RAB11FIP1: variants seen among roughly 807,000 people sequenced by gnomAD.
RAB11FIP1 encodes the protein rab11 family-interacting protein 1.
In RAB11FIP1, 49 loss-of-function variants were observed where a neutral mutation model predicts 83.1. The ratio of observed to expected loss-of-function variants is 0.59; its 90% CI spans 0.47 to 0.75. The LOEUF is 0.75. RAB11FIP1 is among the 30% of genes least tolerant of loss of function. The pLI, the probability that RAB11FIP1 is intolerant of heterozygous loss-of-function variation, is 0.00. For missense variants in RAB11FIP1, 1,536 were observed against 1,598.7 expected (o/e 0.96, Z 0.67); for synonymous variants, 670 against 656.0 (o/e 1.02, Z -0.33).
In RAB11FIP1 at chr8:37,865,091, A is replaced by T. The variant is rs1806316584; in HGVS notation, c.3634-1978T>A. Among the ~76,000 whole-genome samples the T allele has an allele frequency of 2.0e-5, 3 of 152,176 alleles. No individual in the cohort carries two copies. In the South Asian group the frequency reaches 6.2e-4, roughly 32 times the overall value. ...GCCTTACATTTTATATCAAGAAAAA[A>T]GAGTCACCTTTGTAAATAATGGCAA... On this transcript the variant is annotated intron_variant, in intron 5 of 5. Transcript: ENST00000330843.
At chr8:37,873,267 G>T in intron 3 of RAB11FIP1, 88 bp from the exon 4 acceptor site, 2 of 1,405,574 alleles carry the variant, frequency 1.4e-6, no homozygotes, top group Non-Finnish European at 9.5e-7. Flanking sequence ...TCATTCACCA[G>T]GGGAGAACGT....
chr8:37,864,600 G>T (rs973535590), intron 5 of RAB11FIP1, among the ~76,000 whole-genome samples: 1 of 152,160 alleles, frequency 6.6e-6, no homozygotes, highest in Non-Finnish European at 1.5e-5. Context: ...GTCAAAGGAG[G>T]GATCCCAGCC....
Position 37,877,358 on chromosome 8 carries a change from C to T in RAB11FIP1, c.565G>A (p.Ala189Thr), listed in dbSNP as rs749121294. 6.8e-6 allele frequency: 11 copies of T among 1,614,152 alleles called. No individual in the cohort carries two copies. The highest frequency in any genetic ancestry group is 2.2e-5 in the South Asian group (2 of 91,088). Reference sequence around the variant, plus strand: ...GTCGTGCTAGGGATGATGGCGGAGGCGGTGTCTGACCCACTGTCCTTATTC... The same window carrying T: ...GTCGTGCTAGGGATGATGGCGGAGGTGGTGTCTGACCCACTGTCCTTATTC... ...GKNKDSGSDT[A>T]SAIIPSTTPS... The change falls in exon 2 of 6, where the codon GCC becomes ACC. Residue 189 changes from alanine (A) to threonine (T), a missense_variant. Ala to Thr is a moderately conservative substitution (Grantham distance 58). Transcript: ENST00000330843.
intron 1 of RAB11FIP1, among the ~76,000 whole-genome samples, chr8:37,888,889 C>T (rs1285804352): frequency 1.3e-5 from 2 of 151,124 alleles, no homozygotes; most frequent in Admixed American, 1.3e-4. Flanking sequence ...GCTCCACCTC[C>T]TGGGTTCACG....
intron 1 of RAB11FIP1, among the ~76,000 whole-genome samples, chr8:37,894,341 T>C (rs1185538865): frequency 6.6e-6 from 1 of 152,114 alleles, no homozygotes; most frequent in African/African-American, 2.4e-5. Flanking sequence ...AGCCCTTGCT[T>C]TTTTCTTTTT....
At chr8:37,893,044 A>G (rs1483205313) in intron 1 of RAB11FIP1, among the ~76,000 whole-genome samples, 1 of 150,192 alleles carries the variant, frequency 6.7e-6, no homozygotes, top group Non-Finnish European at 1.5e-5. Flanking sequence ...ACTTACCACA[A>G]TATATGATTA....
At chr8:37,874,410 T>G in intron 3 of RAB11FIP1, 105 bp downstream of exon 3, 1 of 870,976 alleles carries the variant, frequency 1.1e-6, no homozygotes, top group Non-Finnish European at 1.8e-6. Flanking sequence ...TTGGCATATA[T>G]GGGTACTATG....
intron 1 of RAB11FIP1, among the ~76,000 whole-genome samples, chr8:37,886,213 A>C (rs867331645): frequency 3.0e-4 from 46 of 152,360 alleles, no homozygotes; most frequent in African/African-American, 1.0e-3. Context: ...GGCTCACCCA[A>C]GATCACAAAG....
At chr8:37,876,451 A>T (rs1274524815) in intron 2 of RAB11FIP1, among the ~76,000 whole-genome samples, 1 of 151,702 alleles carries the variant, frequency 6.6e-6, no homozygotes, top group Non-Finnish European at 1.5e-5. Flanking sequence ...TTTTTTAATT[A>T]ATCAGGTGTG....
Position 37,877,114 on chromosome 8 carries a change from G to A in RAB11FIP1, c.809C>T (p.Ser270Leu), listed in dbSNP as rs140833569. ...AGGAAGAGGCAGAAACTCACCATCC[G>A]AGGCCGAGGAGGACTCATCCTCATT... is the stretch of plus-strand genomic sequence containing the variant. Reference protein sequence around the residue: ...DDNEDESSSASDVMSHKRTAS... With the variant: ...DDNEDESSSALDVMSHKRTAS... Residue 270 changes from serine (S) to leucine (L), a missense_variant, in exon 2 of 6, where the codon TCG (serine) becomes TTG (leucine). Coordinates refer to ENST00000330843, the MANE Select transcript of RAB11FIP1 (RefSeq NM_001002814.3). The A allele has an allele frequency of 1.3e-5, 21 of 1,608,576 alleles. No individual in the cohort carries two copies. Among genetic ancestry groups the A allele is most frequent in the African/African-American group, 6.7e-5 (5 of 74,826 alleles).
chr8:37,874,430 G>C, intron 3 of RAB11FIP1, 85 bp downstream of exon 3: 1 of 1,043,168 alleles, frequency 9.6e-7, no homozygotes, highest in Non-Finnish European at 1.4e-6. Flanking sequence ...GATATCATGG[G>C]ACCCACAAGA....
At chr8:37,890,911 T>C (rs1437387022) in intron 1 of RAB11FIP1, among the ~76,000 whole-genome samples, 1 of 152,194 alleles carries the variant, frequency 6.6e-6, no homozygotes, top group Non-Finnish European at 1.5e-5. Flanking sequence ...AACATAAGAT[T>C]AAATGCTTCT....
At chr8:37,876,441 T>A (rs534303058) in intron 2 of RAB11FIP1, among the ~76,000 whole-genome samples, 11 of 151,562 alleles carry the variant, frequency 7.3e-5, no homozygotes, top group African/African-American at 2.7e-4. Context: ...AAAAAAAATT[T>A]TTTTTAATTA....
At chr8:37,883,096 G>C (rs1011072651) in intron 1 of RAB11FIP1, among the ~76,000 whole-genome samples, 2 of 152,068 alleles carry the variant, frequency 1.3e-5, no homozygotes, top group African/African-American at 4.8e-5. Context: ...CAGGCAAAGA[G>C]GCAGAATTTA....
rs1044694349 is a variant in RAB11FIP1, at chr8:37,899,148, G to T, written c.294C>A (p.Leu98=). 1 of 1,545,730 alleles carries T rather than the reference G, an allele frequency of 6.5e-7. No homozygotes were observed. ...LQLTVLHRAL[L]GLDKFLGRAE... ...CGCGGCCCAGGAACTTGTCGAGGCC[G>T]AGCAGCGCGCGGTGCAGCACGGTGA... The change falls in exon 1 of 6, where the codon CTC becomes CTA. Residue 98 remains leucine, a synonymous_variant. Coordinates refer to ENST00000330843, the MANE Select transcript of RAB11FIP1 (RefSeq NM_001002814.3). The surrounding 1 kb of genome is among the most constrained non-coding windows in gnomAD (Gnocchi z 4.5).
chr8:37,880,740 C>T (rs934244311), intron 1 of RAB11FIP1, among the ~76,000 whole-genome samples: 9 of 147,684 alleles, frequency 6.1e-5, no homozygotes, highest in African/African-American at 2.0e-4. Flanking sequence ...CTCCAGCCTG[C>T]GCAACAGAGT....
chr8:37,898,942 G>T, intron 1 of RAB11FIP1, 129 bp downstream of exon 1: 2 of 988,970 alleles, frequency 2.0e-6, no homozygotes, highest in Admixed American at 3.9e-5. Flanking sequence ...AGCACCGGCC[G>T]AGGGCTCCGT....
rs1374610367 is a variant in RAB11FIP1 at position 37,871,295 on chromosome 8, A to C, written c.3507T>G (p.Thr1169=). ...TCTCTCACCTGTGCTTGGCTGACCC[A>C]GTTCCAGCGCCTGGCTGAGCTGAGA... ...HPVSAQPGAG[T]GSAKHRLHPV... The change falls in exon 4 of 6, where the codon ACT becomes ACG. Residue 1169 remains threonine, a synonymous_variant. Transcript: ENST00000330843. 7 of 1,610,596 alleles carry C rather than the reference A, an allele frequency of 4.3e-6. No homozygotes were observed. The South Asian group carries it at 7.7e-5, about 18-fold the overall frequency.
intron 1 of RAB11FIP1, among the ~76,000 whole-genome samples, 198 bp downstream of exon 1, chr8:37,898,873 C>T (rs1807149837): frequency 1.3e-5 from 2 of 151,546 alleles, no homozygotes; most frequent in South Asian, 2.1e-4. Flanking sequence ...TCCAAGAAGA[C>T]CCAAAGCTGG....
Sources: gnomAD v4.1 joint callset for allele counts (sites outside exome capture counted in the v4.1 genomes callset) on GRCh38, gnomAD v4.1.1 for gene constraint, Gnocchi (gnomAD v3.1) non-coding constraint, MANE v1.5 for transcripts, NCBI Gene and HGNC (gene_info 2026-07-23, HGNC 2026-07-21) for gene names.